The following ALK variants were observed in gnomAD, a reference collection of about 807,000 sequenced individuals.
ALK encodes ALK receptor tyrosine kinase.
Under a neutral mutation model 163.1 loss-of-function variants are expected in ALK, and 74 were observed. That is an observed-to-expected ratio of 0.45 (90% CI 0.38 to 0.55). The LOEUF (loss-of-function observed/expected upper bound fraction) is 0.55, where lower values mean the gene tolerates loss of function less well. Among genes scored for constraint, ALK ranks in the 20% least tolerant of loss-of-function variants. The probability of loss-of-function intolerance (pLI) is 0.00; values close to 1 mark genes in which losing one functional copy is unlikely to be tolerated. For missense variants in ALK, 2,063 were observed against 2,105.3 expected, an observed-to-expected ratio of 0.98 and a Z score of 0.39; for synonymous variants, 960 against 843.2, an observed-to-expected ratio of 1.14 and a Z score of -2.40.
intron 28 of ALK, among the ~76,000 whole-genome samples, chr2:29,194,446 T>C (rs1225911184): frequency 6.6e-6 from 1 of 152,094 alleles, no homozygotes; most frequent in Non-Finnish European, 1.5e-5. Flanking sequence ...ACTTTACACT[T>C]GATTGTAAGT....
chr2:29,379,250 C>T (rs962783845), intron 5 of ALK, among the ~76,000 whole-genome samples: 8 of 152,180 alleles, frequency 5.3e-5, no homozygotes, highest in Non-Finnish European at 1.0e-4. Context: ...GTAAGCTGCT[C>T]TTTCACTGGC....
intron 1 of ALK, 22 bp downstream of exon 1, chr2:29,919,971 C>T (rs2148442738): frequency 6.2e-7 from 1 of 1,610,576 alleles, no homozygotes. Flanking sequence ...AATCCCGGCA[C>T]ACTCAGGCGG....
At position 29,289,052 on chromosome 2, in the gene ALK, T is replaced by C. The variant is rs574163126; in HGVS notation, c.1817+7836A>G. Among the ~76,000 whole-genome samples, 255 of 152,178 alleles carry C rather than the reference T, an allele frequency of 1.7e-3. 2 individuals carry two copies. The Middle Eastern group carries it at 0.024, about 14-fold the overall frequency. ...CTCTTCTGCTTCTTAGTTGTGTGCC[T>C]CTGGACAGATTATTTAAACTACTCT... On this transcript the variant is annotated intron_variant, in intron 9 of 28. Coordinates refer to ENST00000389048, the MANE Select transcript of ALK (RefSeq NM_004304.5).
chr2:29,540,554 A>T (rs1364965323), intron 3 of ALK, among the ~76,000 whole-genome samples: 3 of 151,302 alleles, frequency 2.0e-5, no homozygotes, highest in Non-Finnish European at 4.4e-5. Flanking sequence ...CTTTGGTAGA[A>T]ATAAAGGACT....
intron 6 of ALK, among the ~76,000 whole-genome samples, chr2:29,327,254 A>C (rs966430224): frequency 6.6e-6 from 1 of 152,086 alleles, no homozygotes; most frequent in African/African-American, 2.4e-5. Flanking sequence ...AAGTTTCCCA[A>C]CTCATTCTTT....
rs747186380 is a variant in ALK, at chr2:29,305,446, T to C, written c.1648-8389A>G. Among the ~76,000 whole-genome samples, 34 of 152,234 alleles carry C rather than the reference T, an allele frequency of 2.2e-4. 1 individual carries two copies. The highest frequency in any genetic ancestry group is 3.7e-4 in the Non-Finnish European group (25 of 68,046). ...CTGGAGGCCTGGTATCAGTTCTTAC[T>C]GAGTATTCCTTGTTGATCACATGTG... On this transcript the variant is annotated intron_variant, in intron 8 of 28. Coordinates refer to ENST00000389048, the MANE Select transcript of ALK (RefSeq NM_004304.5).
chr2:29,216,382 C>CTCTT (rs2148161848), intron 23 of ALK, among the ~76,000 whole-genome samples: 2 of 152,210 alleles, frequency 1.3e-5, no homozygotes, highest in Admixed American at 1.3e-4. Context: ...TCCTACCAGT[C>CTCTT]TCTTTGTGTC....
Position 29,296,835 on chromosome 2 carries a change from T to G in ALK, c.1817+53A>C, listed in dbSNP as rs966447861. 174 of 1,611,738 alleles carry G rather than the reference T, an allele frequency of 1.1e-4. 1 individual carries two copies. Among genetic ancestry groups the G allele is most frequent in the African/African-American group, 1.3e-5 (1 of 74,882 alleles). ...GGGAAAGGGAAGGCATGATTTCTTT[T>G]TCATTTTAGCTGATAGAGGAGAAGG... is the stretch of plus-strand genomic sequence containing the variant. On this transcript the variant is annotated intron_variant, in intron 9 of 28. Transcript: ENST00000389048.
intron 1 of ALK, among the ~76,000 whole-genome samples, chr2:29,882,369 A>G (rs56146862): frequency 0.064 from 9,682 of 152,298 alleles, 439 homozygotes; most frequent in East Asian, 0.14. Flanking sequence ...CATTACAGTG[A>G]GTTAAATTGA....
intron 8 of ALK, among the ~76,000 whole-genome samples, chr2:29,316,208 C>T (rs2148246301): frequency 6.6e-6 from 1 of 152,200 alleles, no homozygotes; most frequent in Non-Finnish European, 1.5e-5. Context: ...ATTTATTTTC[C>T]TGATAAAAAC....
At chr2:29,615,757 G>A (rs757776080) in intron 3 of ALK, among the ~76,000 whole-genome samples, 2 of 152,228 alleles carry the variant, frequency 1.3e-5, no homozygotes, top group Non-Finnish European at 2.9e-5. Flanking sequence ...GCTGATATCA[G>A]TAGGTCTAAT....
At chr2:29,485,852 C>T (rs72794445) in intron 4 of ALK, among the ~76,000 whole-genome samples, 10,703 of 152,190 alleles carry the variant, frequency 0.07, 528 homozygotes, top group Non-Finnish European at 0.11. Flanking sequence ...AAACAGTGGC[C>T]TCAGTGGCAT....
chr2:29,817,710 C>T (rs1456893003), intron 1 of ALK, among the ~76,000 whole-genome samples: 1 of 152,112 alleles, frequency 6.6e-6, no homozygotes. Flanking sequence ...TTTATACATA[C>T]CACTGTGTTT....
At chr2:29,539,476 T>C (rs1049851816) in intron 3 of ALK, among the ~76,000 whole-genome samples, 2 of 152,176 alleles carry the variant, frequency 1.3e-5, no homozygotes, top group Non-Finnish European at 2.9e-5. Flanking sequence ...ATTTCTGTCT[T>C]TCTTTAATCT....
chr2:29,746,643 A>G (rs1680214350), intron 1 of ALK, among the ~76,000 whole-genome samples: 1 of 152,214 alleles, frequency 6.6e-6, no homozygotes, highest in Admixed American at 6.5e-5. Flanking sequence ...GGTAACTTAG[A>G]GAAAGGTTAA....
Position 29,706,688 on chromosome 2 carries a change from A to G in ALK, c.787+10890T>C, listed in dbSNP as rs187283932. On this transcript the variant is annotated intron_variant, in intron 2 of 28. Transcript: ENST00000389048. ...ACTGCAGTGGGAGATACACACGGAA[A>G]GCTGAATTCTTATTTCTCTTATCTG... Among the ~76,000 whole-genome samples, 6 of 152,316 alleles carry G rather than the reference A, an allele frequency of 3.9e-5. No individual in the cohort carries two copies. In the East Asian group the frequency reaches 1.2e-3, roughly 29 times the overall value.
chr2:29,670,200 T>G (rs1172127777), intron 3 of ALK, among the ~76,000 whole-genome samples: 1 of 152,102 alleles, frequency 6.6e-6, no homozygotes, highest in Non-Finnish European at 1.5e-5. Flanking sequence ...TTAAGAAGAG[T>G]ATGGTGGTCA....
intron 1 of ALK, among the ~76,000 whole-genome samples, chr2:29,775,444 T>C (rs140030983): frequency 1.1e-3 from 173 of 151,874 alleles, no homozygotes; most frequent in African/African-American, 3.9e-3. Flanking sequence ...GCATACCACA[T>C]GAATGAAGCC....
At chr2:29,610,094 C>A (rs562829500) in intron 3 of ALK, among the ~76,000 whole-genome samples, 1 of 152,266 alleles carries the variant, frequency 6.6e-6, no homozygotes, top group African/African-American at 2.4e-5. Context: ...CCTGTGAACC[C>A]AGAAAAGAGC....
Sources: allele counts gnomAD v4.1 joint callset (sites outside exome capture counted in the v4.1 genomes callset), GRCh38; gene constraint gnomAD v4.1.1; transcripts MANE v1.5; gene names NCBI Gene and HGNC (gene_info 2026-07-23, HGNC 2026-07-21).